The following NUMB variants were observed in gnomAD, a reference collection of about 807,000 sequenced individuals.
The protein encoded by NUMB is protein numb homolog.
In NUMB, 29 loss-of-function variants were observed where a neutral mutation model predicts 59.7. The observed-to-expected ratio is 0.49, with a 90% CI of 0.36 to 0.66. The LOEUF is 0.66. NUMB is among the 30% of genes least tolerant of loss of function. The pLI is 0.00. For missense variants in NUMB, 723 were observed against 822.0 expected (o/e 0.88, Z 1.47); for synonymous variants, 288 against 288.2 (o/e 1.00, Z 0.01).
intron 4 of NUMB, among the ~76,000 whole-genome samples, chr14:73,353,087 T>G (rs1484725495): frequency 1.8e-5 from 2 of 111,532 alleles, no homozygotes; most frequent in Non-Finnish European, 3.8e-5. Flanking sequence ...TTTTTTTTTT[T>G]TTTTTTTTTT....
intron 5 of NUMB, among the ~76,000 whole-genome samples, chr14:73,322,082 T>C (rs1410594031): frequency 6.6e-6 from 1 of 152,098 alleles, no homozygotes; most frequent in East Asian, 1.9e-4. Context: ...AAGCACACAT[T>C]AGTAGTCAAA....
chr14:73,285,366 T>C (rs1478339261), intron 9 of NUMB: 1 of 152,158 alleles, frequency 6.6e-6, no homozygotes, highest in Admixed American at 6.5e-5. Context: ...GAATATTATT[T>C]GGTGGTATTA....
chr14:73,332,895 T>C (rs1892067586), intron 4 of NUMB, among the ~76,000 whole-genome samples: 1 of 152,056 alleles, frequency 6.6e-6, no homozygotes, highest in Non-Finnish European at 1.5e-5. Context: ...TTACCTAGCA[T>C]ACTGTTTTCC....
intron 1 of NUMB, among the ~76,000 whole-genome samples, chr14:73,449,505 A>G (rs1002424477): frequency 1.3e-5 from 2 of 152,056 alleles, no homozygotes; most frequent in Non-Finnish European, 2.9e-5. Context: ...AATATTTTCT[A>G]TCAACTGCTG....
At chr14:73,278,722 T>A (rs1289787740) in intron 12 of NUMB, among the ~76,000 whole-genome samples, 1 of 20,114 alleles carries the variant, frequency 5.0e-5, no homozygotes, top group Non-Finnish European at 9.1e-5. Context: ...CCCTGGAATC[T>A]TTTTTTTTTT....
chr14:73,376,088 A>G (rs866562618), intron 2 of NUMB, among the ~76,000 whole-genome samples: 4 of 152,182 alleles, frequency 2.6e-5, no homozygotes, highest in African/African-American at 7.2e-5. Context: ...AATAAAACTT[A>G]GACTGGAAAG....
At chr14:73,384,296 A>G (rs1320747929) in intron 2 of NUMB, among the ~76,000 whole-genome samples, 1 of 151,804 alleles carries the variant, frequency 6.6e-6, no homozygotes, top group Non-Finnish European at 1.5e-5. Flanking sequence ...TCACTGTGTT[A>G]GCCAGGATGG....
intron 1 of NUMB, among the ~76,000 whole-genome samples, chr14:73,427,418 T>G (rs1406190715): frequency 6.6e-6 from 1 of 151,860 alleles, no homozygotes; most frequent in Non-Finnish European, 1.5e-5. Context: ...TGAGCCAAGA[T>G]CGCGTCACCG....
chr14:73,280,056 C>A (rs552833074), intron 11 of NUMB, among the ~76,000 whole-genome samples: 11 of 152,200 alleles, frequency 7.2e-5, no homozygotes, highest in African/African-American at 2.4e-4. Flanking sequence ...ACTAGGGAGG[C>A]TGAGGCAGGA....
chr14:73,453,429 G>T (rs1884126825), intron 1 of NUMB, among the ~76,000 whole-genome samples: 1 of 152,108 alleles, frequency 6.6e-6, no homozygotes, highest in Admixed American at 6.5e-5. Context: ...ACCACGCCTA[G>T]CCTCAAAGTG....
chr14:73,433,885 T>G (rs1897939228), intron 1 of NUMB, among the ~76,000 whole-genome samples: 1 of 152,030 alleles, frequency 6.6e-6, no homozygotes, highest in South Asian at 2.1e-4. Context: ...AGGTCAGAAG[T>G]TTGAGACCAT....
Position 73,451,548 on chromosome 14 carries a change from G to C in NUMB, c.-233+6945C>G, listed in dbSNP as rs1883976094. 3.3e-5 allele frequency among the ~76,000 whole-genome samples: 5 copies of C among 152,112 alleles called. No homozygotes were observed. In the South Asian group the frequency reaches 1.0e-3, roughly 32 times the overall value. On this transcript the variant is annotated intron_variant, in intron 1 of 12. Coordinates refer to ENST00000555238, the MANE Select transcript of NUMB (RefSeq NM_001005743.2). Reference sequence around the variant, plus strand: ...GACAATTGCTTGAACCTGGGAGGTGGAGATTTCAGTGAGCCGAGATTGTGC... The same window carrying C: ...GACAATTGCTTGAACCTGGGAGGTGCAGATTTCAGTGAGCCGAGATTGTGC...
At chr14:73,291,829 A>G (rs1260686100) in intron 8 of NUMB, among the ~76,000 whole-genome samples, 3 of 151,580 alleles carry the variant, frequency 2.0e-5, no homozygotes, top group Non-Finnish European at 4.4e-5. Flanking sequence ...GACTACAGGC[A>G]TGCACCACCA....
chr14:73,372,333 ATAT>A (rs1894737054), intron 2 of NUMB, among the ~76,000 whole-genome samples: 7 of 95,054 alleles, frequency 7.4e-5, no homozygotes, highest in African/African-American at 2.3e-4. Flanking sequence ...ATATATATAT[ATAT>A]AACCTTTTAT....
intron 3 of NUMB, among the ~76,000 whole-genome samples, chr14:73,356,562 G>T (rs955122052): frequency 6.6e-6 from 1 of 152,156 alleles, no homozygotes; most frequent in Non-Finnish European, 1.5e-5. Context: ...AGAATCACTT[G>T]AACTCAAGAG....
chr14:73,276,267 T>C lies in NUMB; in HGVS notation c.*311A>G, dbSNP rs535477285. 7.5e-6 allele frequency: 2 copies of C among 268,434 alleles called. No homozygotes were observed. Among genetic ancestry groups the C allele is most frequent in the Non-Finnish European group, 1.4e-5 (2 of 140,176 alleles). 16.6% of individuals were successfully genotyped at this position (268,434 alleles called of 1,614,324 possible). ...CATTTCAGTAAATGTGCTTGGAATATAGATTCTTGTTCAGATACTTTGCCT... is the reference window on the plus strand; with the variant it reads ...CATTTCAGTAAATGTGCTTGGAATACAGATTCTTGTTCAGATACTTTGCCT... On this transcript the variant is annotated 3_prime_UTR_variant, in exon 13 of 13. Transcript: ENST00000555238.
rs898215288 is a variant in NUMB, at chr14:73,357,124, C to T, written c.-15-1358G>A. 1.2e-5 allele frequency: 6 copies of T among 480,972 alleles called. No individual in the cohort carries two copies. The East Asian group carries it at 4.5e-4, about 36-fold the overall frequency. 29.8% of individuals were successfully genotyped at this position (480,972 alleles called of 1,614,324 possible). ...AACTCTGTAACTAAAAAGTGTTGGC[C>T]GGGTGTGGCGGCTCACCCCTGTAAT... On this transcript the variant is annotated intron_variant, in intron 3 of 12. Transcript: ENST00000555238.
At chr14:73,395,363 C>T (rs1429744792) in intron 2 of NUMB, among the ~76,000 whole-genome samples, 2 of 151,386 alleles carry the variant, frequency 1.3e-5, no homozygotes, top group Non-Finnish European at 1.5e-5. Context: ...TGGCTCATGC[C>T]TATAATCCCA....
chr14:73,399,962 G>A (rs12100636), intron 2 of NUMB, among the ~76,000 whole-genome samples: 11 of 151,244 alleles, frequency 7.3e-5, no homozygotes, highest in Non-Finnish European at 1.5e-4. Flanking sequence ...TCGTTTGAAC[G>A]CAGGAGATGG....
Sources: gnomAD v4.1 joint callset for allele counts (sites outside exome capture counted in the v4.1 genomes callset) on GRCh38, gnomAD v4.1.1 for gene constraint, MANE v1.5 for transcripts, NCBI Gene and HGNC (gene_info 2026-07-23, HGNC 2026-07-21) for gene names.